Variants in KANK1 observed in about 807,000 individuals in gnomAD.
KANK1 encodes KN motif and ankyrin repeat domain-containing protein 1.
In KANK1, 109 loss-of-function variants were observed where a neutral mutation model predicts 106.2. That is an observed-to-expected ratio of 1.03 (90% CI 0.88 to 1.20). The LOEUF (loss-of-function observed/expected upper bound fraction) is 1.20. Ranked by LOEUF, KANK1 falls within the 50% of genes most tolerant of loss-of-function variation. KANK1 has a pLI of 0.00. For synonymous variants in KANK1, 873 were observed against 652.2 expected (o/e 1.34, Z -5.16); for missense variants, 2,399 against 1,710.7 (o/e 1.40, Z -7.10).
At chr9:518,035 G>A (rs1346905201) in intron 1 of KANK1, among the ~76,000 whole-genome samples, 2 of 151,638 alleles carry the variant, frequency 1.3e-5, no homozygotes, top group Non-Finnish European at 2.9e-5. Context: ...ACCTTGCCCG[G>A]CCAACCTTGA....
At chr9:739,205 A>C (rs1688429826) in intron 8 of KANK1, among the ~76,000 whole-genome samples, 1 of 152,218 alleles carries the variant, frequency 6.6e-6, no homozygotes, top group African/African-American at 2.4e-5. Context: ...CTTCTTGTTC[A>C]AATGGAGCAG....
chr9:512,040 G>A (rs1176091602), intron 1 of KANK1, among the ~76,000 whole-genome samples: 2 of 152,120 alleles, frequency 1.3e-5, no homozygotes, highest in Non-Finnish European at 2.9e-5. Flanking sequence ...GCCTTAGTGG[G>A]AGTAGCTGGA....
intron 1 of KANK1, among the ~76,000 whole-genome samples, chr9:654,514 C>G (rs1205737251): frequency 1.3e-5 from 2 of 151,986 alleles, no homozygotes; most frequent in African/African-American, 2.4e-5. Flanking sequence ...ACTCACAGGA[C>G]AATAGAATTT....
intron 2 of KANK1, among the ~76,000 whole-genome samples, chr9:702,649 C>G (rs986776103): frequency 1.3e-5 from 2 of 152,070 alleles, no homozygotes; most frequent in Non-Finnish European, 2.9e-5. Flanking sequence ...TTAACTGGTC[C>G]TATTGAATGT....
rs188141530 is a variant in KANK1, at chr9:606,228, A to G, written c.-83-70662A>G. ...CATACATATATAATAGAATTTTTAT[A>G]TAATATGTAAAATTTTAAAAATATA... On this transcript the variant is annotated intron_variant, in intron 1 of 11. Coordinates refer to ENST00000382297, the MANE Select transcript of KANK1 (RefSeq NM_015158.5). Among the ~76,000 whole-genome samples the G allele has an allele frequency of 9.6e-4, 145 of 151,274 alleles. 4 individuals carry two copies. The highest frequency in any genetic ancestry group is 3.3e-3 in the African/African-American group (136 of 40,852).
intron 1 of KANK1, among the ~76,000 whole-genome samples, chr9:614,510 A>G (rs1831332951): frequency 6.6e-6 from 1 of 152,138 alleles, no homozygotes; most frequent in South Asian, 2.1e-4. Flanking sequence ...GTCCTATCCT[A>G]GTGGCAATCT....
At chr9:568,740 C>T (rs759689603) in intron 1 of KANK1, among the ~76,000 whole-genome samples, 1 of 152,144 alleles carries the variant, frequency 6.6e-6, no homozygotes, top group Non-Finnish European at 1.5e-5. Context: ...CCTTAACCTC[C>T]CAAAGCACTG....
intron 1 of KANK1, among the ~76,000 whole-genome samples, chr9:644,879 G>A (rs111719157): frequency 0.017 from 2,506 of 151,124 alleles, 54 homozygotes; most frequent in Non-Finnish European, 0.024. Flanking sequence ...CCAGCACTTC[G>A]GGAGGCCGAG....
intron 2 of KANK1, chr9:687,021 A>ATTTC (rs140432651): frequency 3.1e-6 from 2 of 645,368 alleles, no homozygotes; most frequent in African/African-American, 4.2e-5. Context: ...ATACTGCTGA[A>ATTTC]TTTCTTTTCT....
rs748666768 is a variant in KANK1 at position 730,185 on chromosome 9, A to C, written c.2833A>C (p.Thr945Pro). Reference protein sequence around the residue: ...KPISSLDAFPTQEGTLSPVNL... With the variant: ...KPISSLDAFPPQEGTLSPVNL... Reference sequence around the variant, plus strand: ...AATCAGCAGCCTGGATGCCTTCCCCACTCAGGAAGGTACGCTGTCTCCAGT... The same window carrying C: ...AATCAGCAGCCTGGATGCCTTCCCCCCTCAGGAAGGTACGCTGTCTCCAGT... The change falls in exon 4 of 12, where the codon ACT becomes CCT. Residue 945 changes from threonine (T) to proline (P), a missense_variant. By Grantham distance (38) the Thr-to-Pro change is conservative (BLOSUM62 -1). Coordinates refer to ENST00000382297, the MANE Select transcript of KANK1 (RefSeq NM_015158.5). 1.1e-5 allele frequency: 18 copies of C among 1,614,104 alleles called. No homozygotes were observed. In the South Asian group the frequency reaches 2.0e-4, roughly 18 times the overall value.
chr9:738,371 A>C lies in KANK1; in HGVS notation c.3420A>C (p.Ile1140=). The C allele has an allele frequency of 1.2e-6, 2 of 1,614,142 alleles. No homozygotes were observed. The highest frequency in any genetic ancestry group is 1.7e-6 in the Non-Finnish European group (2 of 1,180,022). ...TTCCAGCCATGGTGGGGGACTACAT[A>C]GCTGCTTTTGAGGCCATTTCCCCAG... ...SAIPAMVGDY[I]AAFEAISPDV... Residue 1140 remains isoleucine, a synonymous_variant, in exon 8 of 12, where the codon ATA becomes ATC. Coordinates refer to ENST00000382297, the MANE Select transcript of KANK1 (RefSeq NM_015158.5).
At chr9:519,308 C>G (rs1000347647) in intron 1 of KANK1, among the ~76,000 whole-genome samples, 2 of 151,796 alleles carry the variant, frequency 1.3e-5, no homozygotes, top group Non-Finnish European at 2.9e-5. Flanking sequence ...CTGAGTTTCT[C>G]TGAACTTCCA....
chr9:613,468 T>C (rs1011703878), intron 1 of KANK1, among the ~76,000 whole-genome samples: 4 of 152,088 alleles, frequency 2.6e-5, no homozygotes, highest in African/African-American at 9.7e-5. Flanking sequence ...TGAGATTTTT[T>C]TAAAGCTCAT....
chr9:548,778 G>GTA (rs2061092518), intron 1 of KANK1, among the ~76,000 whole-genome samples: 1 of 152,026 alleles, frequency 6.6e-6, no homozygotes, highest in African/African-American at 2.4e-5. Context: ...TTATGTTTAT[G>GTA]TAATAAAAAT....
chr9:690,231 G>A lies in KANK1; in HGVS notation c.37+13222G>A, dbSNP rs1052122795. On this transcript the variant is annotated intron_variant, in intron 2 of 11. Coordinates refer to ENST00000382297, the MANE Select transcript of KANK1 (RefSeq NM_015158.5). ...TGAGGCAGGAGAATTGGTTGAACCC[G>A]GGAGGCAGAGGTTGCAGTGAGCCGA... Among the ~76,000 whole-genome samples the A allele has an allele frequency of 1.7e-4, 26 of 149,952 alleles. 1 individual carries two copies. The highest frequency in any genetic ancestry group is 5.6e-4 in the African/African-American group (23 of 40,760).
rs765095223 is a variant in KANK1 at position 730,131 on chromosome 9, C to T, written c.2779C>T (p.Gln927Ter). 4 of 1,614,136 alleles carry T rather than the reference C, an allele frequency of 2.5e-6. No individual in the cohort carries two copies. The highest frequency in any genetic ancestry group is 3.4e-6 in the Non-Finnish European group (4 of 1,180,016). ...PLSSQTSQPE[Q>*]EVGTSEGKPI... Reference sequence around the variant, plus strand: ...AAGCTCCCAGACATCCCAGCCTGAGCAAGAAGTGGGGACCTCAGAAGGAAA... The same window carrying T: ...AAGCTCCCAGACATCCCAGCCTGAGTAAGAAGTGGGGACCTCAGAAGGAAA... Residue 927 changes from glutamine to a stop codon, truncating the protein, a stop_gained, in exon 4 of 12, where the codon CAA (glutamine) becomes TAA (stop). Coordinates refer to ENST00000382297, the MANE Select transcript of KANK1 (RefSeq NM_015158.5). LOFTEE classifies it high-confidence loss of function.
chr9:729,951 T>G, intron 3 of KANK1, 100 bp from the exon 4 acceptor site: 5 of 1,017,012 alleles, frequency 4.9e-6, no homozygotes, highest in Non-Finnish European at 7.2e-6. Context: ...GCTGGGATAA[T>G]AGTCCCATTT....
At chr9:643,838 G>A (rs1486070137) in intron 1 of KANK1, among the ~76,000 whole-genome samples, 1 of 150,324 alleles carries the variant, frequency 6.7e-6, no homozygotes, top group Non-Finnish European at 1.5e-5. Context: ...GAGTAGCTGG[G>A]ATTACAGGTG....
At chr9:519,108 T>C (rs1190384390) in intron 1 of KANK1, among the ~76,000 whole-genome samples, 1 of 151,658 alleles carries the variant, frequency 6.6e-6, no homozygotes. Flanking sequence ...CAGGCTGGTC[T>C]CAAACTCCCA....
Sources: allele counts gnomAD v4.1 joint callset (sites outside exome capture counted in the v4.1 genomes callset), GRCh38; gene constraint gnomAD v4.1.1; transcripts MANE v1.5; gene names NCBI Gene and HGNC (gene_info 2026-07-23, HGNC 2026-07-21).